Variants in CTNNA3 observed in about 807,000 individuals in gnomAD.
CTNNA3 encodes catenin alpha 3.
Under a neutral mutation model 95.7 loss-of-function variants are expected in CTNNA3, and 76 were observed. The ratio of observed to expected loss-of-function variants is 0.79; its 90% CI spans 0.66 to 0.96. CTNNA3 has a LOEUF of 0.96. CTNNA3 is among the 40% of genes least tolerant of loss of function. The pLI is 0.00. For missense variants in CTNNA3, 1,191 were observed against 1,089.8 expected, an observed-to-expected ratio of 1.09 and a Z score of -1.31; for synonymous variants, 431 against 374.4, an observed-to-expected ratio of 1.15 and a Z score of -1.74.
At chr10:66,160,110 T>TATC (rs1013718554) in intron 13 of CTNNA3, among the ~76,000 whole-genome samples, 38 of 152,206 alleles carry the variant, frequency 2.5e-4, no homozygotes, top group African/African-American at 9.1e-4. Context: ...CAGTTTTATT[T>TATC]ATCTTTTCAA....
intron 10 of CTNNA3, among the ~76,000 whole-genome samples, chr10:66,614,138 G>A (rs1445064171): frequency 6.6e-6 from 1 of 152,070 alleles, no homozygotes; most frequent in Non-Finnish European, 1.5e-5. Flanking sequence ...AAATAGTCCT[G>A]TCTATGCAGA....
chr10:66,182,383 G>A (rs1338402169), intron 13 of CTNNA3, among the ~76,000 whole-genome samples: 2 of 151,628 alleles, frequency 1.3e-5, no homozygotes, highest in African/African-American at 4.8e-5. Context: ...AGCCTCCCAA[G>A]TAGCTGGGAC....
intron 4 of CTNNA3, among the ~76,000 whole-genome samples, chr10:67,523,814 T>C (rs914399876): frequency 2.0e-5 from 3 of 152,218 alleles, no homozygotes; most frequent in African/African-American, 7.2e-5. Context: ...ATATTTATTA[T>C]ATTGTATAAT....
intron 7 of CTNNA3, among the ~76,000 whole-genome samples, chr10:66,868,146 C>T (rs2132431548): frequency 6.9e-6 from 1 of 144,068 alleles, no homozygotes; most frequent in East Asian, 2.2e-4. Context: ...CACCTGAGGT[C>T]AGGAGTTCAA....
chr10:65,935,566 A>C (rs1053221836), intron 17 of CTNNA3, among the ~76,000 whole-genome samples: 2 of 152,182 alleles, frequency 1.3e-5, no homozygotes, highest in Non-Finnish European at 1.5e-5. Flanking sequence ...CCTGCTCTAG[A>C]AGTGATGCAG....
intron 5 of CTNNA3, among the ~76,000 whole-genome samples, chr10:67,324,890 G>A (rs1841479493): frequency 6.6e-6 from 1 of 151,862 alleles, no homozygotes; most frequent in Non-Finnish European, 1.5e-5. Flanking sequence ...TTGATTGATA[G>A]GCTATTTATT....
At chr10:66,116,278 C>T (rs1225252629) in intron 13 of CTNNA3, among the ~76,000 whole-genome samples, 3 of 152,082 alleles carry the variant, frequency 2.0e-5, no homozygotes, top group African/African-American at 7.2e-5. Context: ...AGGAAACAAA[C>T]TTAATGTGGA....
At chr10:67,429,673 C>T (rs1196113067) in intron 5 of CTNNA3, among the ~76,000 whole-genome samples, 4 of 151,906 alleles carry the variant, frequency 2.6e-5, no homozygotes, top group Admixed American at 6.6e-5. Flanking sequence ...CTTATTTTTG[C>T]CTGATCAATT....
chr10:66,845,852 T>A (rs943776075), intron 7 of CTNNA3, among the ~76,000 whole-genome samples: 1 of 151,552 alleles, frequency 6.6e-6, no homozygotes, highest in African/African-American at 2.4e-5. Context: ...AAATCCTGGC[T>A]GTAAGCGGTG....
At chr10:67,119,020 C>A (rs376413478) in intron 7 of CTNNA3, among the ~76,000 whole-genome samples, 5 of 151,826 alleles carry the variant, frequency 3.3e-5, no homozygotes, top group African/African-American at 1.2e-4. Flanking sequence ...GAGAAAAATA[C>A]AATTTCTGGA....
intron 7 of CTNNA3, among the ~76,000 whole-genome samples, chr10:66,818,118 A>C (rs1842161423): frequency 6.6e-6 from 1 of 151,954 alleles, no homozygotes; most frequent in South Asian, 2.1e-4. Context: ...GCAGTCTAGG[A>C]ATAGAAGACT....
intron 10 of CTNNA3, among the ~76,000 whole-genome samples, chr10:66,560,233 G>A (rs1842510811): frequency 6.6e-6 from 1 of 151,998 alleles, no homozygotes; most frequent in African/African-American, 2.4e-5. Context: ...GGGTTTTGTA[G>A]TCAGATTATT....
intron 8 of CTNNA3, 73 bp downstream of exon 8, chr10:66,775,371 A>G: frequency 1.0e-6 from 1 of 1,003,692 alleles, no homozygotes; most frequent in African/African-American, 1.6e-5. Flanking sequence ...AACAAGAAAC[A>G]AATATGCCTG....
chr10:66,126,932 C>A (rs1430809012), intron 13 of CTNNA3, among the ~76,000 whole-genome samples: 1 of 152,028 alleles, frequency 6.6e-6, no homozygotes, highest in East Asian at 1.9e-4. Context: ...CACTCCTTAA[C>A]TGTGGGCTAC....
intron 7 of CTNNA3, among the ~76,000 whole-genome samples, chr10:66,842,581 A>G (rs1202882719): frequency 6.6e-6 from 1 of 152,152 alleles, no homozygotes; most frequent in Non-Finnish European, 1.5e-5. Context: ...TTTGCTGACT[A>G]AGGGCTGCAG....
chr10:67,157,245 T>G (rs1195457251), intron 7 of CTNNA3, among the ~76,000 whole-genome samples: 3 of 152,088 alleles, frequency 2.0e-5, no homozygotes, highest in Admixed American at 2.0e-4. Context: ...TACACCAATG[T>G]TAGAACCAAC....
chr10:66,194,665 G>A (rs1186740975), intron 13 of CTNNA3, among the ~76,000 whole-genome samples: 1 of 152,114 alleles, frequency 6.6e-6, no homozygotes, highest in Non-Finnish European at 1.5e-5. Context: ...CAGACATATG[G>A]AAAAGGACAA....
intron 9 of CTNNA3, among the ~76,000 whole-genome samples, chr10:66,758,545 A>C (rs1839468502): frequency 6.6e-6 from 1 of 152,158 alleles, no homozygotes; most frequent in African/African-American, 2.4e-5. Flanking sequence ...GTCAGTTAGC[A>C]TGTTTGCTTG....
intron 7 of CTNNA3, among the ~76,000 whole-genome samples, chr10:67,029,536 C>T (rs79838190): frequency 6.6e-6 from 1 of 152,246 alleles, no homozygotes; most frequent in East Asian, 1.9e-4. Flanking sequence ...ATTATTTAAG[C>T]TATAGCACTT....
Sources: allele counts gnomAD v4.1 joint callset (sites outside exome capture counted in the v4.1 genomes callset), GRCh38; gene constraint gnomAD v4.1.1; transcripts MANE v1.5; gene names NCBI Gene and HGNC (gene_info 2026-07-23, HGNC 2026-07-21).